The following FAM83A variants were observed in gnomAD, a reference collection of about 807,000 sequenced individuals.
FAM83A encodes the protein scaffolding CK1 anchoring protein A, also known as protein FAM83A.
Under a neutral mutation model 24.4 loss-of-function variants are expected in FAM83A, and 21 were observed. The ratio of observed to expected loss-of-function variants is 0.86; its 90% confidence interval spans 0.61 to 1.24. The LOEUF is 1.24. Ranked by LOEUF, FAM83A falls within the 50% of genes most tolerant of loss-of-function variation. FAM83A has a pLI of 0.00. For missense variants in FAM83A, 617 were observed against 579.8 expected (o/e 1.06, Z -0.66); for synonymous variants, 270 against 252.4 (o/e 1.07, Z -0.66).
intron 1 of FAM83A, among the ~76,000 whole-genome samples, chr8:123,184,313 G>A (rs1823719513): frequency 1.3e-5 from 2 of 152,028 alleles, no homozygotes; most frequent in African/African-American, 4.8e-5. Flanking sequence ...GCTTCCAAAT[G>A]TAACGGGGCC....
At chr8:123,194,072 G>A in exon 3 of FAM83A, 1 of 1,614,226 alleles carries the variant, frequency 6.2e-7, no homozygotes, top group Non-Finnish European at 8.5e-7. Flanking sequence ...TGCCAAGTCA[G>A]GCAGGAAATT....
At chr8:123,201,951 G>T (rs1238181103) in intron 3 of FAM83A, 2 of 152,564 alleles carry the variant, frequency 1.3e-5, no homozygotes, top group African/African-American at 4.8e-5. Context: ...ATTGGCTGGA[G>T]TTGGGCCTTG....
rs541632606 is a variant in FAM83A at position 123,203,800 on chromosome 8, A to G, written c.774-3357A>G. ...TTCACCAAAGAGGCAACATATGGTTAAAAAAACAAAACAAAAAATTAGCCA... is the reference window on the plus strand; with the variant it reads ...TTCACCAAAGAGGCAACATATGGTTGAAAAAACAAAACAAAAAATTAGCCA... On this transcript the variant is annotated intron_variant, in intron 3 of 3. Coordinates refer to ENST00000690554, the Ensembl canonical transcript of FAM83A. Among the ~76,000 whole-genome samples the G allele has an allele frequency of 2.0e-5, 3 of 151,438 alleles. No individual in the cohort carries two copies. The South Asian group carries it at 6.3e-4, about 32-fold the overall frequency.
chr8:123,181,996 C>A (rs1586770356), upstream of FAM83A: 1 of 455,698 alleles, frequency 2.2e-6, no homozygotes, highest in Non-Finnish European at 4.4e-6. Context: ...TCATAGATTT[C>A]AAACCCACGT....
exon 4 of FAM83A, chr8:123,208,161 G>C (rs1824628211): frequency 1.0e-6 from 1 of 990,736 alleles, no homozygotes; most frequent in African/African-American, 1.7e-5. Context: ...TGAGGAGAAG[G>C]TGTGGGAACA....
chr8:123,183,333 C>A (rs1355572411), exon 1 of FAM83A: 5 of 1,607,770 alleles, frequency 3.1e-6, no homozygotes, highest in South Asian at 1.1e-5. Context: ...CCCGGACTAG[C>A]CAGGTACCGA....
chr8:123,200,758 A>G (rs1386303161), intron 3 of FAM83A, among the ~76,000 whole-genome samples: 1 of 152,168 alleles, frequency 6.6e-6, no homozygotes, highest in East Asian at 1.9e-4. Context: ...GTTCGAGGCC[A>G]GCCTGGCCAA....
intron 1 of FAM83A, among the ~76,000 whole-genome samples, 195 bp downstream of exon 1, chr8:123,183,531 G>A (rs1267088501): frequency 1.3e-5 from 2 of 152,052 alleles, no homozygotes; most frequent in Non-Finnish European, 2.9e-5. Flanking sequence ...CAGGGTCCAG[G>A]CCACCAACAC....
intron 3 of FAM83A, among the ~76,000 whole-genome samples, chr8:123,200,990 T>G (rs1799156737): frequency 6.9e-6 from 1 of 144,724 alleles, no homozygotes; most frequent in Non-Finnish European, 1.5e-5. Flanking sequence ...TATATACACA[T>G]ATATACAAAA....
chr8:123,198,069 T>G (rs1824221055), intron 3 of FAM83A, among the ~76,000 whole-genome samples: 1 of 152,162 alleles, frequency 6.6e-6, no homozygotes, highest in Admixed American at 6.5e-5. Flanking sequence ...AGGCGTAGGC[T>G]GCAGTGAGCA....
In FAM83A at chr8:123,209,666, C is replaced by T. The variant is rs905560358; in HGVS notation, c.*1978C>T. 8.8e-7 allele frequency: 1 copy of T among 1,138,484 alleles called. No homozygotes were observed. Among genetic ancestry groups the T allele is most frequent in the Non-Finnish European group, 1.3e-6 (1 of 781,888 alleles). The allele number at this position is 1,138,484 out of a possible 1,614,324, so 70.5% of individuals were successfully genotyped here. A position where few individuals can be genotyped will look rare whatever the true frequency, so the allele number is the denominator to read the frequency against. On this transcript the variant is annotated 3_prime_UTR_variant, in exon 4 of 4. Transcript: ENST00000690554. This position sits in a 1 kb window ranked among gnomAD's most constrained non-coding sequence, Gnocchi z 4.7. ...AAGCCCAGCTTTCCAAAGGCCTCAG[C>T]CTGTGCCTGTGTCGAGCTCAGTCCT...
chr8:123,189,358 T>C (rs1373694131), intron 1 of FAM83A, among the ~76,000 whole-genome samples: 1 of 152,254 alleles, frequency 6.6e-6, no homozygotes, highest in Non-Finnish European at 1.5e-5. Context: ...AAGACACCTC[T>C]CTTTCCTTGG....
At chr8:123,207,495 C>A (rs1237251802) in exon 4 of FAM83A, 1 of 1,580,520 alleles carries the variant, frequency 6.3e-7, no homozygotes, top group East Asian at 2.3e-5. Context: ...CGGTTCCAGC[C>A]CCACCAAGGC....
upstream of FAM83A, chr8:123,180,608 G>A (rs981765623): frequency 6.6e-6 from 1 of 152,396 alleles, no homozygotes. Context: ...CGCTAGACTA[G>A]GGACAGGACT....
rs534444275 is a variant in FAM83A, at chr8:123,183,488, G to C, written c.480+152G>C. 5.0e-6 allele frequency: 6 copies of C among 1,205,366 alleles called. No individual in the cohort carries two copies. In the East Asian group the frequency reaches 1.5e-4, roughly 31 times the overall value. 74.7% of individuals were successfully genotyped at this position (1,205,366 alleles called of 1,614,324 possible). A position where few individuals can be genotyped will look rare whatever the true frequency, so the allele number is the denominator to read the frequency against. On this transcript the variant is annotated intron_variant, in intron 1 of 3. Transcript: ENST00000690554. ...GGGCTTTGCTGTCCGCCTTGCCCTG[G>C]ACCACTGACCTCCTGATCCCACCTG...
rs1200662369 is a variant in FAM83A, at chr8:123,207,611, C to T, written c.1228C>T (p.Gln410Ter). ...GGGGGCCTACAGGCCCACGCGGCTG[C>T]AGCTGGAGCAGCTGGGCCTGGTGCC... The change falls in exon 4 of 4, where the codon CAG becomes TAG. Residue 410 changes from glutamine to a stop codon, truncating the protein, a stop_gained. Transcript: ENST00000690554. LOFTEE classifies it high-confidence loss of function. The T allele has an allele frequency of 6.4e-7, 1 of 1,555,274 alleles. No individual in the cohort carries two copies.
chr8:123,197,198 G>A (rs1219343879), intron 3 of FAM83A, among the ~76,000 whole-genome samples: 1 of 152,178 alleles, frequency 6.6e-6, no homozygotes, highest in Non-Finnish European at 1.5e-5. Context: ...TTTCAGAGAA[G>A]AATCTCTAAA....
exon 4 of FAM83A, chr8:123,207,877 C>T (rs1824618604): frequency 8.0e-6 from 11 of 1,378,076 alleles, no homozygotes; most frequent in South Asian, 5.6e-5. Flanking sequence ...TTGGGTTCCC[C>T]GCTCTAGTTT....
exon 1 of FAM83A, chr8:123,183,237 C>T: frequency 1.9e-6 from 3 of 1,613,456 alleles, no homozygotes; most frequent in Non-Finnish European, 2.5e-6. Context: ...CTGAGAAGCC[C>T]TACCTGAAGG....
Sources: allele counts gnomAD v4.1 joint callset (sites outside exome capture counted in the v4.1 genomes callset), GRCh38; gene constraint gnomAD v4.1.1; non-coding constraint Gnocchi (gnomAD v3.1); transcripts MANE v1.5; gene names NCBI Gene and HGNC (gene_info 2026-07-23, HGNC 2026-07-21).